TBC1D22A: variants seen among roughly 807,000 people sequenced by gnomAD.
TBC1D22A encodes the protein TBC1 domain family member 22A.
In TBC1D22A, 38 loss-of-function variants were observed where a neutral mutation model predicts 60.2. That is an observed-to-expected ratio of 0.63 (90% confidence interval 0.49 to 0.83). The LOEUF is 0.83. Ranked by LOEUF, TBC1D22A falls within the 40% of genes least tolerant of loss-of-function variation. TBC1D22A has a pLI of 0.00. For synonymous variants in TBC1D22A, 302 were observed against 281.7 expected, an observed-to-expected ratio of 1.07 and a Z score of -0.72; for missense variants, 628 against 701.0, an observed-to-expected ratio of 0.90 and a Z score of 1.18.
intron 11 of TBC1D22A, among the ~76,000 whole-genome samples, chr22:47,060,882 C>T (rs2063549553): frequency 1.3e-5 from 2 of 152,232 alleles, no homozygotes; most frequent in African/African-American, 4.8e-5. Context: ...CGACTCCCAT[C>T]ATCGGGGCGG....
At chr22:47,137,116 G>A (rs2066905172) in intron 12 of TBC1D22A, among the ~76,000 whole-genome samples, 1 of 152,204 alleles carries the variant, frequency 6.6e-6, no homozygotes, top group African/African-American at 2.4e-5. Context: ...TCCACTTCCA[G>A]TCCAGGAAGC....
Position 47,170,059 on chromosome 22 carries a change from C to T in TBC1D22A, c.1426-3439C>T, listed in dbSNP as rs180867222. ...TGTGCCGCGTTTCCCAGACAGGAGA[C>T]GACGTGGCCTAGTGCATAAATAAGA... On this transcript the variant is annotated intron_variant, in intron 12 of 12. Transcript: ENST00000337137. 5.2e-4 allele frequency among the ~76,000 whole-genome samples: 79 copies of T among 152,246 alleles called. 3 individuals carry two copies. The East Asian group carries it at 0.011, about 21-fold the overall frequency.
chr22:46,936,588 G>A (rs566039548), intron 8 of TBC1D22A, among the ~76,000 whole-genome samples: 147 of 152,370 alleles, frequency 9.6e-4, no homozygotes, highest in African/African-American at 3.4e-3. Flanking sequence ...CGGAGCGTGA[G>A]ACAGACTCAT....
chr22:46,839,412 C>A (rs2086657046), intron 4 of TBC1D22A, among the ~76,000 whole-genome samples: 1 of 151,152 alleles, frequency 6.6e-6, no homozygotes, highest in South Asian at 2.1e-4. Context: ...GATTCTTACA[C>A]TGAATACTTT....
At chr22:47,022,943 G>A (rs562783140) in intron 10 of TBC1D22A, among the ~76,000 whole-genome samples, 1 of 152,282 alleles carries the variant, frequency 6.6e-6, no homozygotes, top group Admixed American at 6.5e-5. Flanking sequence ...AAAATATCAG[G>A]TTTCCAACAA....
At chr22:47,079,381 C>T (rs1301505237) in intron 11 of TBC1D22A, among the ~76,000 whole-genome samples, 1 of 152,108 alleles carries the variant, frequency 6.6e-6, no homozygotes, top group African/African-American at 2.4e-5. Context: ...GCCACCGTGC[C>T]CAGCCGGGAC....
chr22:47,135,830 G>A (rs369180532), intron 12 of TBC1D22A, among the ~76,000 whole-genome samples: 4 of 152,230 alleles, frequency 2.6e-5, no homozygotes, highest in South Asian at 2.1e-4. Flanking sequence ...CACGCGCCAC[G>A]TGCCAGGACC....
chr22:47,064,569 A>G (rs1209747956), intron 11 of TBC1D22A, among the ~76,000 whole-genome samples: 1 of 152,226 alleles, frequency 6.6e-6, no homozygotes, highest in Non-Finnish European at 1.5e-5. Context: ...CGTGGCTTTA[A>G]GGCCAAGCTG....
At chr22:47,042,699 T>C (rs985700077) in intron 11 of TBC1D22A, among the ~76,000 whole-genome samples, 7 of 152,192 alleles carry the variant, frequency 4.6e-5, no homozygotes, top group Admixed American at 3.3e-4. Flanking sequence ...GACCCCCATC[T>C]GTCCACTGCT....
intron 12 of TBC1D22A, among the ~76,000 whole-genome samples, chr22:47,147,277 G>A (rs988973865): frequency 6.6e-6 from 1 of 152,244 alleles, no homozygotes; most frequent in African/African-American, 2.4e-5. Context: ...GCCAAGCACA[G>A]GCAATGCCAG....
At chr22:47,167,633 C>G (rs761821938) in intron 12 of TBC1D22A, among the ~76,000 whole-genome samples, 1 of 152,190 alleles carries the variant, frequency 6.6e-6, no homozygotes, top group Non-Finnish European at 1.5e-5. Context: ...AGAAAGAAAG[C>G]TCTCAGCTGC....
intron 8 of TBC1D22A, among the ~76,000 whole-genome samples, chr22:46,941,952 C>T (rs1034685564): frequency 1.4e-4 from 20 of 144,320 alleles, no homozygotes; most frequent in Non-Finnish European, 2.4e-4. Flanking sequence ...CACACACACA[C>T]ACACACACAC....
chr22:47,101,019 C>T (rs542999363), intron 11 of TBC1D22A, among the ~76,000 whole-genome samples: 2 of 152,260 alleles, frequency 1.3e-5, no homozygotes, highest in South Asian at 2.1e-4. Context: ...TGGAAACGTG[C>T]CCGATTTGCA....
intron 8 of TBC1D22A, among the ~76,000 whole-genome samples, chr22:46,917,194 C>T (rs1291832582): frequency 1.3e-5 from 2 of 152,120 alleles, no homozygotes; most frequent in East Asian, 1.9e-4. Flanking sequence ...CAGCAAGGCA[C>T]GTGCTACTTT....
At chr22:47,127,982 CCCCCCATCCTCCCTCCACCCCACCCAT>C (rs1466297818) in intron 12 of TBC1D22A, among the ~76,000 whole-genome samples, 4 of 51,654 alleles carry the variant, frequency 7.7e-5, no homozygotes, top group Non-Finnish European at 1.8e-4. Context: ...CCCCACCCAT[CCCCCCATCCTCCCTCCACCCCACCCAT>C]CCCCCCATCC....
chr22:47,150,465 C>T (rs1019227905), intron 12 of TBC1D22A, among the ~76,000 whole-genome samples: 7 of 152,226 alleles, frequency 4.6e-5, no homozygotes, highest in African/African-American at 1.4e-4. Context: ...GTCCCAGTTC[C>T]GTCTAGAACA....
chr22:46,969,685 C>T (rs1057410147), intron 8 of TBC1D22A, among the ~76,000 whole-genome samples: 1 of 152,114 alleles, frequency 6.6e-6, no homozygotes, highest in Non-Finnish European at 1.5e-5. Flanking sequence ...TTGGGGTTAG[C>T]CTGTGCACTC....
intron 12 of TBC1D22A, among the ~76,000 whole-genome samples, chr22:47,160,893 GC>G (rs1178344165): frequency 1.3e-5 from 2 of 152,292 alleles, no homozygotes; most frequent in Admixed American, 1.3e-4. Flanking sequence ...GTGGAGCCCA[GC>G]AAGCCCCAGG....
rs528963506 is a variant in TBC1D22A, at chr22:46,993,915, C to A, written c.1126-3719C>A. On this transcript the variant is annotated intron_variant, in intron 9 of 12. Transcript: ENST00000337137. ...GCCAGGAGGGCCCAGACCGACCCCC[C>A]TGTGTCTTAGCCTTGGCGCCTCGCC... 1.2e-4 allele frequency among the ~76,000 whole-genome samples: 19 copies of A among 152,350 alleles called. No homozygotes were observed. The South Asian group carries it at 3.5e-3, about 28-fold the overall frequency.
Sources: allele counts gnomAD v4.1 joint callset (sites outside exome capture counted in the v4.1 genomes callset), GRCh38; gene constraint gnomAD v4.1.1; transcripts MANE v1.5; gene names NCBI Gene and HGNC (gene_info 2026-07-23, HGNC 2026-07-21).